Variants in DNAJC2 observed in about 807,000 individuals in gnomAD.
The protein encoded by DNAJC2 is dnaJ homolog subfamily C member 2.
A neutral mutation model predicts 94.0 loss-of-function variants in DNAJC2; 32 were observed. That is an observed-to-expected ratio of 0.34 (90% CI 0.26 to 0.46). DNAJC2 has a LOEUF of 0.46. Ranked by LOEUF, DNAJC2 falls within the 20% of genes least tolerant of loss-of-function variation. DNAJC2 has a pLI of 1.00. For synonymous variants in DNAJC2, 210 were observed against 229.7 expected (o/e 0.91, Z 0.77); for missense variants, 550 against 719.5 (o/e 0.76, Z 2.69).
At chr7:103,313,720 T>C in intron 15 of DNAJC2, 1 of 985,394 alleles carries the variant, frequency 1.0e-6, no homozygotes, top group Non-Finnish European at 1.2e-6. Context: ...TAACTGCTAT[T>C]GTGGTTCTTC....
In DNAJC2 at chr7:103,312,394, A is replaced by AT. The variant is rs1817793881; in HGVS notation, c.*174dup. The AT allele has an allele frequency of 6.6e-7, 1 of 1,520,166 alleles. No homozygotes were observed. The highest frequency in any genetic ancestry group is 1.4e-5 in the African/African-American group (1 of 71,414). 94.2% of individuals were successfully genotyped at this position (1,520,166 alleles called of 1,614,324 possible). A position where few individuals can be genotyped will look rare whatever the true frequency, so the allele number is the denominator to read the frequency against. ...AAATACTGTATCATACTTTCAAAGGATAAAAAGACTACCCCTCTGAAGGTT... is the reference window on the plus strand; with the variant it reads ...AAATACTGTATCATACTTTCAAAGGATTAAAAAGACTACCCCTCTGAAGGTT... On this transcript the variant is annotated 3_prime_UTR_variant, in exon 17 of 17. Coordinates refer to ENST00000379263, the MANE Select transcript of DNAJC2 (RefSeq NM_014377.3).
chr7:103,341,710 T>C (rs1819379878), intron 2 of DNAJC2, 54 bp downstream of exon 2: 4 of 1,378,906 alleles, frequency 2.9e-6, no homozygotes, highest in Non-Finnish European at 3.9e-6. Flanking sequence ...CATAAGAAAA[T>C]TGTCTATGTC....
chr7:103,331,775 CCTTAT>C (rs142562065), intron 3 of DNAJC2, among the ~76,000 whole-genome samples: 2,324 of 152,166 alleles, frequency 0.015, 49 homozygotes, highest in African/African-American at 0.054. Context: ...TAGGTTGATT[CCTTAT>C]CTTTGTTATT....
chr7:103,327,450 G>T, intron 4 of DNAJC2: 1 of 758,464 alleles, frequency 1.3e-6, no homozygotes, highest in Non-Finnish European at 2.1e-6. Context: ...AAGCTGCCAG[G>T]TGTTGCTGAT....
chr7:103,312,970 T>C lies in DNAJC2; in HGVS notation c.1768A>G (p.Lys590Glu), dbSNP rs1817840747. The C allele has an allele frequency of 6.2e-7, 1 of 1,613,790 alleles. No homozygotes were observed. The highest frequency in any genetic ancestry group is 8.5e-7 in the Non-Finnish European group (1 of 1,179,908). Residue 590 changes from lysine to glutamate, a missense_variant, in exon 16 of 17, where the codon AAG (lysine) becomes GAG (glutamate). Coordinates refer to ENST00000379263, the MANE Select transcript of DNAJC2 (RefSeq NM_014377.3). ...IAEAVPGRTK[K>E]DCMKRYKELV... ...ACCTTGTATCGTTTCATGCAGTCCT[T>C]CTTTGTCCTGCCAGGCACCGCTTCT...
Position 103,319,625 on chromosome 7 carries a change from G to A in DNAJC2, c.1226C>T (p.Ala409Val), listed in dbSNP as rs1818271412. Residue 409 changes from alanine to valine, a missense_variant, in exon 12 of 17, where the codon GCT (alanine) becomes GTT (valine). Ala to Val is a moderately conservative substitution (Grantham distance 64). Transcript: ENST00000379263. ...LTSCTKEVGK[A>V]ALEKQIEEIN... ...CTCTATTACCTGTTTTTCCAAAGCA[G>A]CCTTTCCTACTTCTTTTGTGCATGA... 1.2e-6 allele frequency: 2 copies of A among 1,613,926 alleles called. No homozygotes were observed. Among genetic ancestry groups the A allele is most frequent in the Non-Finnish European group, 1.7e-6 (2 of 1,180,012 alleles).
intron 6 of DNAJC2, 33 bp from the exon 7 acceptor site, chr7:103,323,696 C>T (rs946427141): frequency 7.5e-7 from 1 of 1,331,142 alleles, no homozygotes; most frequent in East Asian, 2.7e-5. Context: ...ATGATCAAGA[C>T]AGAATAAATG....
At chr7:103,324,441 TTAAAA>T in intron 6 of DNAJC2, 36 bp downstream of exon 6, 1 of 1,421,744 alleles carries the variant, frequency 7.0e-7, no homozygotes, top group South Asian at 1.4e-5. Flanking sequence ...ACTTTTCCTT[TTAAAA>T]AATGACAGCA....
intron 1 of DNAJC2, 173 bp downstream of exon 1, chr7:103,344,386 T>A: frequency 1.5e-6 from 1 of 662,290 alleles, no homozygotes; most frequent in South Asian, 1.9e-5. Context: ...TTCCTTCTAA[T>A]CTAGGGTAGG....
rs76828688 is a variant in DNAJC2 at position 103,314,418 on chromosome 7, A to G, written c.1637-1317T>C. On this transcript the variant is annotated intron_variant, in intron 15 of 16. Coordinates refer to ENST00000379263, the MANE Select transcript of DNAJC2 (RefSeq NM_014377.3). ...AAAGAGGCAAAGGAGTCATACCCAC[A>G]TAGCACTACTGCCAGTCACTCTTGC... 4,081 of 985,400 alleles carry G rather than the reference A, an allele frequency of 4.1e-3. 124 individuals carry two copies. In the African/African-American group the frequency reaches 0.067, roughly 16 times the overall value. 61.0% of individuals were successfully genotyped at this position (985,400 alleles called of 1,614,324 possible). A position where few individuals can be genotyped will look rare whatever the true frequency, so the allele number is the denominator to read the frequency against.
chr7:103,312,735 G>A (rs865942906), intron 16 of DNAJC2, 92 bp from the exon 17 acceptor site: 2 of 1,570,522 alleles, frequency 1.3e-6, no homozygotes, highest in Non-Finnish European at 1.7e-6. Context: ...AAGCAACTAA[G>A]ATAGATAGTA....
chr7:103,315,985 CA>C lies in DNAJC2; in HGVS notation c.1528+2del. 6.3e-7 allele frequency: 1 copy of C among 1,587,882 alleles called. No homozygotes were observed. The highest frequency in any genetic ancestry group is 8.6e-7 in the Non-Finnish European group (1 of 1,167,154). ...AGTAACAAATGGACTTCTCAAAACT[CA>C]CCAAGTTTTTGGAGACTCTTTGCTT... On this transcript the variant is annotated splice_donor_variant, in intron 14 of 16. Coordinates refer to ENST00000379263, the MANE Select transcript of DNAJC2 (RefSeq NM_014377.3). LOFTEE classifies it high-confidence loss of function.
chr7:103,316,047 G>T lies in DNAJC2; in HGVS notation c.1469C>A (p.Ser490Tyr), dbSNP rs375684672. The change falls in exon 14 of 17, where the codon TCT (serine) becomes TAT (tyrosine). Residue 490 changes from serine to tyrosine, a missense_variant. Ser to Tyr is a moderately radical substitution (Grantham distance 144). This residue lies in a region of DNAJC2 where 271 missense variants were observed against 302.6 expected (regional missense o/e 0.90). Coordinates refer to ENST00000379263, the MANE Select transcript of DNAJC2 (RefSeq NM_014377.3). Reference sequence around the variant, plus strand: ...ATCTTTGGCAGTTCTTTTGACTCCAGAGGAAGAATGTATGTTCATGTAATT... The same window carrying T: ...ATCTTTGGCAGTTCTTTTGACTCCATAGGAAGAATGTATGTTCATGTAATT... ...IANYMNIHSS[S>Y]GVKRTAKDVI... 44 of 1,601,130 alleles carry T rather than the reference G, an allele frequency of 2.7e-5. No homozygotes were observed. Among genetic ancestry groups the T allele is most frequent in the Non-Finnish European group, 3.6e-5 (42 of 1,174,330 alleles).
At chr7:103,337,690 T>C (rs368692920) in intron 3 of DNAJC2, 46 bp downstream of exon 3, 1 of 1,444,652 alleles carries the variant, frequency 6.9e-7, no homozygotes, top group Non-Finnish European at 9.7e-7. Flanking sequence ...AGCCAGCCTG[T>C]TCCTATACAA....
intron 3 of DNAJC2, chr7:103,335,743 A>G (rs544495518): frequency 6.6e-6 from 1 of 152,234 alleles, no homozygotes; most frequent in East Asian, 1.9e-4. Flanking sequence ...ATGGGGTTTC[A>G]CCACATTGGC....
rs759578666 is a variant in DNAJC2, at chr7:103,319,683, A to G, written c.1173-5T>C. 1 of 1,614,006 alleles carries G rather than the reference A, an allele frequency of 6.2e-7. No individual in the cohort carries two copies. The highest frequency in any genetic ancestry group is 1.7e-5 in the Admixed American group (1 of 59,980). On this transcript the variant is annotated splice_region_variant and splice_polypyrimidine_tract_variant and intron_variant, in intron 11 of 16. Transcript: ENST00000379263. Reference sequence around the variant, plus strand: ...GTTTCATTCAAGCACTGTAAGCTAAAGAAAAAAAAAGAAGAAATGAAACTT... The same window carrying G: ...GTTTCATTCAAGCACTGTAAGCTAAGGAAAAAAAAAGAAGAAATGAAACTT...
At chr7:103,344,527 T>TA in intron 1 of DNAJC2, 32 bp downstream of exon 1, 1 of 1,612,328 alleles carries the variant, frequency 6.2e-7, no homozygotes, top group Non-Finnish European at 8.5e-7. Context: ...GCAGCTGAGG[T>TA]GAGAAGGAAC....
intron 15 of DNAJC2, chr7:103,314,035 AAAAC>A (rs1229608752): frequency 2.0e-6 from 2 of 984,898 alleles, no homozygotes; most frequent in African/African-American, 3.5e-5. Context: ...AAAACAAAAC[AAAAC>A]AAAACAAAAC....
intron 15 of DNAJC2, among the ~76,000 whole-genome samples, chr7:103,315,482 A>G (rs1817999144): frequency 6.6e-6 from 1 of 152,146 alleles, no homozygotes; most frequent in South Asian, 2.1e-4. Flanking sequence ...ATATAACACT[A>G]TTCTTTAGTC....
Sources: allele counts gnomAD v4.1 joint callset (sites outside exome capture counted in the v4.1 genomes callset), GRCh38; gene constraint gnomAD v4.1.1; regional missense constraint gnomAD v4.1.1; transcripts MANE v1.5; gene names NCBI Gene and HGNC (gene_info 2026-07-23, HGNC 2026-07-21).